The following TENM2 variants were observed in gnomAD, a reference collection of about 807,000 sequenced individuals.
TENM2 encodes teneurin transmembrane protein 2.
Under a neutral mutation model 245.2 loss-of-function variants are expected in TENM2, and 52 were observed. That is an observed-to-expected ratio of 0.21 (90% CI 0.17 to 0.27). The LOEUF is 0.27. Among genes scored for constraint, TENM2 ranks in the 10% least tolerant of loss-of-function variants. TENM2 has a pLI of 1.00. For missense variants in TENM2, 3,046 were observed against 3,666.8 expected, an observed-to-expected ratio of 0.83 and a Z score of 4.37; for synonymous variants, 1,363 against 1,438.9, an observed-to-expected ratio of 0.95 and a Z score of 1.19.
chr5:167,505,717 G>C (rs1046768938), intron 2 of TENM2, among the ~76,000 whole-genome samples: 7 of 152,084 alleles, frequency 4.6e-5, no homozygotes, highest in South Asian at 2.1e-4. Flanking sequence ...ATAGATACAG[G>C]CTTTGCCTCC....
intron 2 of TENM2, among the ~76,000 whole-genome samples, chr5:167,778,238 G>A (rs913122405): frequency 6.6e-6 from 1 of 152,202 alleles, no homozygotes; most frequent in Admixed American, 6.5e-5. Flanking sequence ...CCACATCATG[G>A]ATGCATGGAT....
chr5:167,101,835 TTATATATATATATTTATATATATA>T, the TENM2 span, among the ~76,000 whole-genome samples: 1 of 50,854 alleles, frequency 2.0e-5, no homozygotes, highest in African/African-American at 7.0e-5. Flanking sequence ...CTCTTGACAT[TTATATATATATATTTATATATATA>T]TATATATATA....
intron 2 of TENM2, among the ~76,000 whole-genome samples, chr5:167,501,623 C>A (rs1480843670): frequency 6.6e-6 from 1 of 152,178 alleles, no homozygotes; most frequent in Non-Finnish European, 1.5e-5. Context: ...TGCCACTTTT[C>A]ACATTACCCA....
the TENM2 span, among the ~76,000 whole-genome samples, chr5:167,041,423 G>C: frequency 6.6e-6 from 1 of 152,168 alleles, no homozygotes; most frequent in East Asian, 1.9e-4. Context: ...CTCTGGACTT[G>C]AGCCAGGGAA....
intron 2 of TENM2, among the ~76,000 whole-genome samples, chr5:167,516,019 T>C (rs1267737169): frequency 1.3e-5 from 2 of 152,108 alleles, no homozygotes; most frequent in African/African-American, 4.8e-5. Flanking sequence ...CACAGATTTT[T>C]TTTTAGAAAT....
chr5:167,731,666 G>C (rs1002373507), intron 2 of TENM2, among the ~76,000 whole-genome samples: 1 of 148,808 alleles, frequency 6.7e-6, no homozygotes, highest in African/African-American at 2.5e-5. Flanking sequence ...CATGGACTCT[G>C]GGTGGTCACT....
chr5:166,985,303 G>A, the TENM2 span, among the ~76,000 whole-genome samples: 4 of 152,106 alleles, frequency 2.6e-5, no homozygotes, highest in African/African-American at 4.8e-5. Context: ...ACAGATGCCC[G>A]AGAAAAGGGC....
the TENM2 span, among the ~76,000 whole-genome samples, chr5:167,013,788 A>C: frequency 6.6e-6 from 1 of 152,220 alleles, no homozygotes; most frequent in African/African-American, 2.4e-5. Context: ...AGGTTTGACT[A>C]TAATTTGGGC....
the TENM2 span, among the ~76,000 whole-genome samples, chr5:167,050,631 T>G: frequency 1.3e-5 from 2 of 151,964 alleles, no homozygotes; most frequent in African/African-American, 4.8e-5. Context: ...TAGAGACAAA[T>G]TATTGAGGTC....
chr5:167,938,093 T>C (rs1269699948), intron 3 of TENM2: 3 of 152,192 alleles, frequency 2.0e-5, no homozygotes, highest in Admixed American at 1.3e-4. Flanking sequence ...CTCTATTATC[T>C]AGAATTAAAC....
chr5:167,919,833 C>T (rs185823812), intron 3 of TENM2, among the ~76,000 whole-genome samples: 50 of 152,260 alleles, frequency 3.3e-4, no homozygotes, highest in Admixed American at 1.8e-3. Flanking sequence ...TAGAGGAAGA[C>T]GGGATCACAA....
chr5:168,198,942 C>A, exon 16 of TENM2: 2 of 1,614,052 alleles, frequency 1.2e-6, no homozygotes, highest in Non-Finnish European at 1.7e-6. Context: ...GTGTGGCTGC[C>A]GTGGAACAGC....
At position 167,331,845 on chromosome 5, in the gene TENM2, C is replaced by T. The variant is rs148851530; in HGVS notation, c.227-43353C>T. On this transcript the variant is annotated intron_variant, in intron 1 of 28. Coordinates refer to ENST00000518659, the Ensembl canonical transcript of TENM2. ...GTGGTGTGGAAAACAACTCTGAGTG[C>T]ATTTACTCCTCCTTTTGTGTAGCCT... is the stretch of plus-strand genomic sequence containing the variant. Among the ~76,000 whole-genome samples, 7 of 152,256 alleles carry T rather than the reference C, an allele frequency of 4.6e-5. No individual in the cohort carries two copies. The East Asian group carries it at 9.7e-4, about 21-fold the overall frequency.
rs3084277 is a variant in TENM2, at chr5:168,249,453, GGT to G, written c.7432+1110_7432+1111del. Reference sequence around the variant, plus strand: ...AATAAGACAAATACCGTTCTCTCAAGGTGTGTGTGTGTGTGTGTGTGTGTGTG... The same window carrying G: ...AATAAGACAAATACCGTTCTCTCAAGGTGTGTGTGTGTGTGTGTGTGTGTG... On this transcript the variant is annotated intron_variant, in intron 27 of 28. Transcript: ENST00000518659. Among the ~76,000 whole-genome samples the G allele has an allele frequency of 7.3e-3, 1,088 of 148,872 alleles. 32 individuals carry two copies. The South Asian group carries it at 0.094, about 13-fold the overall frequency.
At chr5:167,251,205 A>G in the TENM2 span, among the ~76,000 whole-genome samples, 2 of 152,148 alleles carry the variant, frequency 1.3e-5, no homozygotes, top group East Asian at 1.9e-4. Flanking sequence ...TTGTGTGCTC[A>G]CAAAGCGCTG....
the TENM2 span, among the ~76,000 whole-genome samples, chr5:167,079,829 A>G: frequency 0.013 from 2,033 of 152,306 alleles, 48 homozygotes; most frequent in African/African-American, 0.045. Flanking sequence ...TCGAGGAAAC[A>G]AAGATTTCTC....
chr5:167,588,700 C>T (rs1279840808), intron 2 of TENM2, among the ~76,000 whole-genome samples: 1 of 152,068 alleles, frequency 6.6e-6, no homozygotes, highest in Non-Finnish European at 1.5e-5. Flanking sequence ...TACAAAAGAC[C>T]ATTAGCAGAA....
chr5:167,070,848 T>C, the TENM2 span, among the ~76,000 whole-genome samples: 2 of 152,176 alleles, frequency 1.3e-5, no homozygotes, highest in Non-Finnish European at 2.9e-5. Context: ...GGCTTTTAAA[T>C]GTTTTAAATT....
At chr5:167,397,622 G>A (rs564555967) in intron 2 of TENM2, among the ~76,000 whole-genome samples, 1 of 152,202 alleles carries the variant, frequency 6.6e-6, no homozygotes, top group African/African-American at 2.4e-5. Context: ...AAGAGATTGA[G>A]AGAACCATGG....
Sources: gnomAD v4.1 joint callset for allele counts (sites outside exome capture counted in the v4.1 genomes callset) on GRCh38, gnomAD v4.1.1 for gene constraint, MANE v1.5 for transcripts, NCBI Gene and HGNC (gene_info 2026-07-23, HGNC 2026-07-21) for gene names.